HOXA3: variants seen among roughly 807,000 people sequenced by gnomAD.
HOXA3 encodes homeobox protein Hox-A3.
HOXA3 carries 8 observed loss-of-function variants against 30.3 expected under a neutral mutation model. That is an observed-to-expected ratio of 0.26 (90% confidence interval 0.15 to 0.48). The LOEUF is 0.48. Ranked by LOEUF, HOXA3 falls within the 20% of genes least tolerant of loss-of-function variation. The pLI, the probability that HOXA3 is intolerant of heterozygous loss-of-function variation, is 0.99. For synonymous variants in HOXA3, 323 were observed against 273.1 expected (o/e 1.18, Z -1.80); for missense variants, 653 against 614.4 (o/e 1.06, Z -0.66).
chr7:27,125,561 T>G (rs1483714381), intron 3 of HOXA3, among the ~76,000 whole-genome samples: 2 of 152,210 alleles, frequency 1.3e-5, no homozygotes. Flanking sequence ...TGTGTTTCTT[T>G]GGAACACGAA....
At chr7:27,145,128 G>A (rs1207498876) in intron 1 of HOXA3, among the ~76,000 whole-genome samples, 4 of 152,210 alleles carry the variant, frequency 2.6e-5, no homozygotes, top group African/African-American at 4.8e-5. Context: ...CGGCTTGGGA[G>A]GCCGCGACAA....
At chr7:27,122,750 T>G (rs1785082107) in intron 3 of HOXA3, 108 bp from the exon 4 acceptor site, 1 of 151,948 alleles carries the variant, frequency 6.6e-6, no homozygotes, top group Admixed American at 6.6e-5. Flanking sequence ...GCCCTGGGGG[T>G]GACGCGAACA....
intron 3 of HOXA3, among the ~76,000 whole-genome samples, chr7:27,125,420 T>C (rs888421955): frequency 2.0e-5 from 3 of 152,224 alleles, no homozygotes; most frequent in Non-Finnish European, 4.4e-5. Context: ...CCCGTGATTT[T>C]GGAGTCTTCA....
At chr7:27,121,220 C>CGTGTGTGTGTGTGTGT (rs142198002) in intron 4 of HOXA3, 2 of 137,846 alleles carry the variant, frequency 1.5e-5, no homozygotes, top group East Asian at 2.1e-4. Flanking sequence ...CCACTGTGTG[C>CGTGTGTGTGTGTGTGT]GTGTGTGTGT....
At chr7:27,112,167 A>C (rs1784414583) in intron 4 of HOXA3, among the ~76,000 whole-genome samples, 1 of 152,192 alleles carries the variant, frequency 6.6e-6, no homozygotes, top group South Asian at 2.1e-4. Flanking sequence ...GTTCCATGTG[A>C]GTTTCAAATA....
chr7:27,122,094 T>C (rs558253238), intron 4 of HOXA3: 1 of 152,536 alleles, frequency 6.6e-6, no homozygotes, highest in South Asian at 2.1e-4. Flanking sequence ...TGCAAGAGTG[T>C]GATACAAGTT....
Position 27,108,586 on chromosome 7 carries a change from G to A in HOXA3, c.661C>T (p.Arg221Trp). The A allele has an allele frequency of 6.2e-7, 1 of 1,614,164 alleles. No individual in the cohort carries two copies. Among genetic ancestry groups the A allele is most frequent in the Non-Finnish European group, 8.5e-7 (1 of 1,180,014 alleles). Residue 221 changes from arginine to tryptophan, a missense_variant, in exon 6 of 6, where the codon CGG becomes TGG. Arg to Trp is a moderately radical substitution (Grantham distance 101, BLOSUM62 -3). Coordinates refer to ENST00000612286, the MANE Select transcript of HOXA3 (RefSeq NM_153631.3). This position sits in a 1 kb window ranked among gnomAD's most constrained non-coding sequence, Gnocchi z 5.0. ...HFNRYLCRPR[R>W]VEMANLLNLT... ...TTCAGCAGATTGGCCATCTCCACCC[G>A]GCGCGGCCGGCACAGGTAGCGGTTG...
intron 4 of HOXA3, chr7:27,116,150 ACCAATTCCC>A (rs1376705151): frequency 1.3e-5 from 2 of 152,658 alleles, no homozygotes; most frequent in Non-Finnish European, 2.9e-5. Flanking sequence ...CCTTGGTTCC[ACCAATTCCC>A]CCAAATCCCC....
At chr7:27,148,281 G>C (rs1782855189) in intron 1 of HOXA3, among the ~76,000 whole-genome samples, 1 of 152,268 alleles carries the variant, frequency 6.6e-6, no homozygotes, top group Non-Finnish European at 1.5e-5. Flanking sequence ...TCCAGGCACG[G>C]CCCAGAGTTG....
rs147485948 is a variant in HOXA3, at chr7:27,141,113, C to CAAAAA, written c.-493-932_-493-928dup. ...AGTATTTTTTCCTTAAAAACAAATA[C>CAAAAA]AAAAAAAAAAAAAAAAAAAAAAAAG... is the stretch of plus-strand genomic sequence containing the variant. On this transcript the variant is annotated intron_variant, in intron 1 of 5. Transcript: ENST00000612286. 790 of 82,756 alleles carry CAAAAA rather than the reference C, an allele frequency of 9.5e-3. 4 individuals carry two copies. Among genetic ancestry groups the CAAAAA allele is most frequent in the African/African-American group, 0.021 (419 of 20,316 alleles). 5.1% of individuals were successfully genotyped at this position (82,756 alleles called of 1,614,324 possible).
chr7:27,133,192 A>C (rs1335548083), intron 2 of HOXA3, among the ~76,000 whole-genome samples: 4 of 152,224 alleles, frequency 2.6e-5, no homozygotes, highest in African/African-American at 9.6e-5. Context: ...ATTTTACTGC[A>C]AGATTTATGG....
intron 3 of HOXA3, among the ~76,000 whole-genome samples, chr7:27,125,610 G>A (rs938898159): frequency 6.6e-6 from 1 of 152,228 alleles, no homozygotes; most frequent in Non-Finnish European, 1.5e-5. Context: ...TATAGGGAAG[G>A]GGCAACACAG....
intron 1 of HOXA3, chr7:27,142,988 G>A: frequency 3.5e-6 from 5 of 1,414,454 alleles, no homozygotes; most frequent in Non-Finnish European, 4.8e-6. Context: ...GAGAAGAGAG[G>A]GGGGACCGAG....
chr7:27,143,658 C>A, intron 1 of HOXA3: 1 of 1,542,106 alleles, frequency 6.5e-7, no homozygotes, highest in Non-Finnish European at 8.7e-7. Context: ...GTTTGTGCGT[C>A]TATAGCACCC....
In HOXA3 at chr7:27,143,167, G is replaced by A. The variant is rs1199670426; in HGVS notation, c.-493-2981C>T. 5 of 1,609,964 alleles carry A rather than the reference G, an allele frequency of 3.1e-6. No homozygotes were observed. In the African/African-American group the frequency reaches 4.0e-5, roughly 13 times the overall value. On this transcript the variant is annotated intron_variant, in intron 1 of 5. Transcript: ENST00000612286. The stretch of plus-strand genomic sequence containing the variant: ...TGGCAGGGGCGTCCTCCTCGGCTCC[G>A]GACGCCGTGCCAACCCCCTCTCTGC...
chr7:27,147,681 G>T (rs149022222), intron 1 of HOXA3: 3 of 1,613,930 alleles, frequency 1.9e-6, no homozygotes. Flanking sequence ...GGGGCAGCTG[G>T]CCCAAGAAGG....
chr7:27,145,262 A>T, intron 1 of HOXA3: 1 of 216,732 alleles, frequency 4.6e-6, no homozygotes, highest in African/African-American at 2.3e-5. Context: ...GGCTCGGCCC[A>T]GGGCTCTTTC....
chr7:27,133,639 T>G (rs192282913), intron 2 of HOXA3, among the ~76,000 whole-genome samples: 91 of 152,286 alleles, frequency 6.0e-4, no homozygotes, highest in African/African-American at 2.1e-3. Flanking sequence ...GAATCCCAGA[T>G]GGAGAAGAGT....
chr7:27,141,530 T>TC, intron 1 of HOXA3: 1 of 255,988 alleles, frequency 3.9e-6, no homozygotes. Flanking sequence ...TTGTGTGTTT[T>TC]TTTTTCTCTT....
Sources: allele counts gnomAD v4.1 joint callset (sites outside exome capture counted in the v4.1 genomes callset), GRCh38; gene constraint gnomAD v4.1.1; non-coding constraint Gnocchi (gnomAD v3.1); transcripts MANE v1.5; gene names NCBI Gene and HGNC (gene_info 2026-07-23, HGNC 2026-07-21).